SDK2: variants seen among roughly 807,000 people sequenced by gnomAD.
SDK2 encodes sidekick cell adhesion molecule 2.
In SDK2, 105 loss-of-function variants were observed where a neutral mutation model predicts 253.9. The observed-to-expected ratio is 0.41, with a 90% CI of 0.35 to 0.49. SDK2 has a LOEUF of 0.49. Ranked by LOEUF, SDK2 falls within the 20% of genes least tolerant of loss-of-function variation. The pLI, the probability that SDK2 is intolerant of heterozygous loss-of-function variation, is 0.06. For synonymous variants in SDK2, 1,249 were observed against 1,234.9 expected (o/e 1.01, Z -0.24); for missense variants, 2,608 against 3,003.0 (o/e 0.87, Z 3.07).
chr17:73,381,451 GCAAGCTGTTGGAT>G (rs2145473748), intron 33 of SDK2, among the ~76,000 whole-genome samples: 2 of 151,024 alleles, frequency 1.3e-5, no homozygotes, highest in South Asian at 4.2e-4. Context: ...CACCAAAAAC[GCAAGCTGTTGGAT>G]CAGCTACTTC....
At chr17:73,483,682 TTTATA>T (rs1567799333) in intron 2 of SDK2, among the ~76,000 whole-genome samples, 9 of 49,600 alleles carry the variant, frequency 1.8e-4, no homozygotes, top group African/African-American at 5.8e-4. Flanking sequence ...TATATATATA[TTTATA>T]TATATATATA....
intron 2 of SDK2, among the ~76,000 whole-genome samples, chr17:73,473,086 G>C (rs755864496): frequency 5.9e-5 from 9 of 152,226 alleles, no homozygotes; most frequent in South Asian, 2.1e-4. Flanking sequence ...GGGCTGGCGG[G>C]GTTGGGCAGA....
intron 2 of SDK2, among the ~76,000 whole-genome samples, chr17:73,488,972 C>T (rs1057394169): frequency 1.7e-4 from 26 of 152,142 alleles, no homozygotes; most frequent in African/African-American, 5.3e-4. Flanking sequence ...GCTTGACGTT[C>T]GGTAAGCAGT....
intron 3 of SDK2, among the ~76,000 whole-genome samples, chr17:73,471,062 C>T (rs966382811): frequency 4.6e-5 from 7 of 152,242 alleles, no homozygotes; most frequent in African/African-American, 1.7e-4. Context: ...CCTTCCTCTT[C>T]GGAGGGAGAT....
chr17:73,506,989 C>T (rs910615641), intron 2 of SDK2, among the ~76,000 whole-genome samples: 2 of 152,254 alleles, frequency 1.3e-5, no homozygotes, highest in Non-Finnish European at 2.9e-5. Context: ...CTGAATTTCC[C>T]ATAGATAGAA....
At chr17:73,384,085 C>G (rs747359666) in intron 32 of SDK2, 74 bp from the exon 33 acceptor site, 55 of 1,483,516 alleles carry the variant, frequency 3.7e-5, no homozygotes, top group Non-Finnish European at 4.7e-5. Flanking sequence ...TCTCATCATG[C>G]CTCCTGCAGC....
At chr17:73,607,513 G>C (rs2045922672) in intron 1 of SDK2, among the ~76,000 whole-genome samples, 1 of 152,288 alleles carries the variant, frequency 6.6e-6, no homozygotes, top group African/African-American at 2.4e-5. Context: ...GCAAAACGCT[G>C]AGCCAGGGAA....
At chr17:73,450,659 A>G (rs1275585443) in intron 4 of SDK2, among the ~76,000 whole-genome samples, 4 of 152,030 alleles carry the variant, frequency 2.6e-5, no homozygotes, top group African/African-American at 7.3e-5. Context: ...GGCTCCTTTC[A>G]CTGTATTTTG....
At chr17:73,588,311 C>A (rs1477005375) in intron 1 of SDK2, among the ~76,000 whole-genome samples, 1 of 138,990 alleles carries the variant, frequency 7.2e-6, no homozygotes, top group East Asian at 2.2e-4. Flanking sequence ...CATTTGAATC[C>A]GGGAGGTGGA....
intron 1 of SDK2, among the ~76,000 whole-genome samples, chr17:73,620,790 A>T (rs892638229): frequency 1.3e-5 from 2 of 152,268 alleles, no homozygotes; most frequent in Admixed American, 1.3e-4. Context: ...GACTCCATTT[A>T]TGTGAAACAT....
chr17:73,572,918 G>C (rs1481809646), intron 1 of SDK2, among the ~76,000 whole-genome samples: 1 of 152,190 alleles, frequency 6.6e-6, no homozygotes, highest in Non-Finnish European at 1.5e-5. Flanking sequence ...CACCCAGCAT[G>C]CTCACTTGTA....
intron 1 of SDK2, among the ~76,000 whole-genome samples, chr17:73,512,349 G>A (rs1599636699): frequency 6.6e-6 from 1 of 152,110 alleles, no homozygotes. Context: ...TATCCTGTTG[G>A]CAGCTGCCAG....
In SDK2 at chr17:73,361,508, G is replaced by C. The variant is rs1041540438; in HGVS notation, c.5467+176C>G. On this transcript the variant is annotated intron_variant, in intron 39 of 44. Transcript: ENST00000392650. This position sits in a 1 kb window ranked among gnomAD's most constrained non-coding sequence, Gnocchi z 4.1. ...AACCTGAGGACACATTAATCAAAGCGTGGAGCCCGGGAGGAGGGAGCGGGG... is the reference window on the plus strand; with the variant it reads ...AACCTGAGGACACATTAATCAAAGCCTGGAGCCCGGGAGGAGGGAGCGGGG... Among the ~76,000 whole-genome samples, 1 of 152,088 alleles carries C rather than the reference G, an allele frequency of 6.6e-6. No individual in the cohort carries two copies. The highest frequency in any genetic ancestry group is 6.5e-5 in the Admixed American group (1 of 15,282).
At chr17:73,426,887 C>A (rs1310414079) in intron 12 of SDK2, among the ~76,000 whole-genome samples, 5 of 152,004 alleles carry the variant, frequency 3.3e-5, no homozygotes, top group African/African-American at 1.2e-4. Context: ...GAGATTGAGA[C>A]CATCCTGCTA....
intron 44 of SDK2, among the ~76,000 whole-genome samples, chr17:73,343,202 GCA>G (rs2062454323): frequency 6.6e-6 from 1 of 152,224 alleles, no homozygotes; most frequent in Non-Finnish European, 1.5e-5. Flanking sequence ...CTGATCCCAG[GCA>G]CTCTATGGGC....
At position 73,580,618 on chromosome 17, in the gene SDK2, C is replaced by T. The variant is rs79227089; in HGVS notation, c.64+63407G>A. Among the ~76,000 whole-genome samples, 365 of 152,362 alleles carry T rather than the reference C, an allele frequency of 2.4e-3. 6 individuals are homozygous for T. The South Asian group carries it at 0.034, about 14-fold the overall frequency. ...GTTGCCATCTTGAAATTCTTAATGC[C>T]TTCATCTTTGAACTTGTGCTTTGTA... On this transcript the variant is annotated intron_variant, in intron 1 of 44. Transcript: ENST00000392650.
At chr17:73,370,104 T>C (rs1015413636) in intron 36 of SDK2, among the ~76,000 whole-genome samples, 2 of 152,206 alleles carry the variant, frequency 1.3e-5, no homozygotes, top group African/African-American at 4.8e-5. Context: ...TCACCGGCTT[T>C]TCAATTTCTC....
chr17:73,552,177 T>A (rs544845686), intron 1 of SDK2, among the ~76,000 whole-genome samples: 1 of 151,106 alleles, frequency 6.6e-6, no homozygotes, highest in South Asian at 2.1e-4. Flanking sequence ...TAAAAAACAA[T>A]AAAGAGAAAG....
chr17:73,383,834 C>T lies in SDK2; in HGVS notation c.4705+42G>A, dbSNP rs770945306. 1.2e-6 allele frequency: 2 copies of T among 1,609,374 alleles called. No individual in the cohort carries two copies. The highest frequency in any genetic ancestry group is 1.7e-5 in the Admixed American group (1 of 59,938). On this transcript the variant is annotated intron_variant, in intron 33 of 44. Coordinates refer to ENST00000392650, the MANE Select transcript of SDK2 (RefSeq NM_001144952.2). The surrounding 1 kb of genome is among the most constrained non-coding windows in gnomAD (Gnocchi z 4.3). ...CAGAGCGGGAAGGTGAGGGTGACCG[C>T]CCCCATCCCACCCATTCCTCTGGCT...
Sources: gnomAD v4.1 joint callset for allele counts (sites outside exome capture counted in the v4.1 genomes callset) on GRCh38, gnomAD v4.1.1 for gene constraint, Gnocchi (gnomAD v3.1) non-coding constraint, MANE v1.5 for transcripts, NCBI Gene and HGNC (gene_info 2026-07-23, HGNC 2026-07-21) for gene names.